The following ADHFE1 variants were observed in gnomAD, a reference collection of about 807,000 sequenced individuals.
ADHFE1 encodes the protein alcohol dehydrogenase iron containing 1, also known as hydroxyacid-oxoacid transhydrogenase, mitochondrial.
Under a neutral mutation model 54.8 loss-of-function variants are expected in ADHFE1, and 37 were observed. The observed-to-expected ratio is 0.68, with a 90% CI of 0.52 to 0.89. The LOEUF (loss-of-function observed/expected upper bound fraction) is 0.89. ADHFE1 is among the 40% of genes least tolerant of loss of function. ADHFE1 has a pLI of 0.00. For synonymous variants in ADHFE1, 203 were observed against 229.3 expected (o/e 0.89, Z 1.04); for missense variants, 601 against 591.2 (o/e 1.02, Z -0.17).
chr8:66,437,997 A>G (rs1805553633), intron 1 of ADHFE1, among the ~76,000 whole-genome samples: 1 of 152,178 alleles, frequency 6.6e-6, no homozygotes, highest in South Asian at 2.1e-4. Flanking sequence ...TCATTCAAGG[A>G]AAAGAAAGAT....
Position 66,439,549 on chromosome 8 carries a change from GC to G in ADHFE1, c.60-612del. The G allele has an allele frequency of 1.0e-6, 1 of 985,748 alleles. No individual in the cohort carries two copies. The highest frequency in any genetic ancestry group is 1.2e-6 in the Non-Finnish European group (1 of 830,160). The allele number at this position is 985,748 out of a possible 1,614,324, so 61.1% of individuals were successfully genotyped here. A position where few individuals can be genotyped will look rare whatever the true frequency, so the allele number is the denominator to read the frequency against. ...ACCTCGGAGCGCACCGGGTGTGCGC[GC>G]AGCTGGGGCCTCTGGGGAGCGGCGC... On this transcript the variant is annotated intron_variant, in intron 1 of 13. Transcript: ENST00000396623. The surrounding 1 kb of genome is among the most constrained non-coding windows in gnomAD (Gnocchi z 4.4).
chr8:66,453,795 G>A (rs577506161), intron 9 of ADHFE1: 53 of 1,429,064 alleles, frequency 3.7e-5, no homozygotes, highest in African/African-American at 3.4e-4. Flanking sequence ...AGGGACCAGC[G>A]CGTTGCCTCC....
intron 1 of ADHFE1, among the ~76,000 whole-genome samples, chr8:66,435,202 G>A (rs1805399595): frequency 6.6e-6 from 1 of 152,204 alleles, no homozygotes; most frequent in Non-Finnish European, 1.5e-5. Context: ...GGTGTTCAGA[G>A]CAGCCCTCAC....
chr8:66,442,333 CG>C (rs1805796581), intron 2 of ADHFE1, among the ~76,000 whole-genome samples: 1 of 128,778 alleles, frequency 7.8e-6, no homozygotes, highest in Non-Finnish European at 1.6e-5. Context: ...TTTTTTGAGA[CG>C]GGGTCTCACT....
chr8:66,440,436 T>A lies in ADHFE1; in HGVS notation c.97+237T>A, dbSNP rs1319709758. Reference sequence around the variant, plus strand: ...ATCTATTTAATGCTACTTACAACGCTTTTCTCTTTTAATTACTTGCCAAGT... The same window carrying A: ...ATCTATTTAATGCTACTTACAACGCATTTCTCTTTTAATTACTTGCCAAGT... On this transcript the variant is annotated intron_variant, in intron 2 of 13. Coordinates refer to ENST00000396623, the MANE Select transcript of ADHFE1 (RefSeq NM_144650.3). 3.3e-5 allele frequency among the ~76,000 whole-genome samples: 5 copies of A among 152,250 alleles called. No individual in the cohort carries two copies. The South Asian group carries it at 1.0e-3, about 32-fold the overall frequency.
chr8:66,436,858 G>A (rs537252642), intron 1 of ADHFE1, among the ~76,000 whole-genome samples: 15 of 152,204 alleles, frequency 9.9e-5, no homozygotes, highest in South Asian at 2.1e-4. Context: ...CAGCCAGTGC[G>A]ATGAGAAGAA....
intron 1 of ADHFE1, among the ~76,000 whole-genome samples, chr8:66,434,599 G>A (rs1261143277): frequency 6.6e-6 from 1 of 152,222 alleles, no homozygotes; most frequent in Non-Finnish European, 1.5e-5. Context: ...TTGGGCACAT[G>A]TTTCATCTGG....
chr8:66,434,978 CA>C (rs534816704), intron 1 of ADHFE1, among the ~76,000 whole-genome samples: 294 of 140,146 alleles, frequency 2.1e-3, no homozygotes, highest in Admixed American at 6.4e-3. Context: ...GACTGTGTCT[CA>C]AAAAAAAAAA....
intron 13 of ADHFE1, among the ~76,000 whole-genome samples, chr8:66,465,709 C>T (rs937764709): frequency 2.0e-4 from 31 of 152,022 alleles, no homozygotes; most frequent in African/African-American, 7.0e-4. Context: ...AAGCAGTTCT[C>T]CTGCCTTAGC....
At chr8:66,442,893 T>A (rs1805832734) in intron 3 of ADHFE1, 49 bp downstream of exon 3, 5 of 1,389,662 alleles carry the variant, frequency 3.6e-6, no homozygotes, top group Non-Finnish European at 4.9e-6. Context: ...TAGAAAAAAA[T>A]AAAACTAGAA....
In ADHFE1 at chr8:66,457,050, C is replaced by T. The variant is rs775381040; in HGVS notation, c.1066-20C>T. On this transcript the variant is annotated intron_variant, in intron 11 of 13. Coordinates refer to ENST00000396623, the MANE Select transcript of ADHFE1 (RefSeq NM_144650.3). ...AACAGCTTTGTCATCTGCCGGTCAC[C>T]GCATTTCGTTTCTCCCCAGCCCCAT... 38 of 1,607,220 alleles carry T rather than the reference C, an allele frequency of 2.4e-5. No homozygotes were observed. The Admixed American group carries it at 4.2e-4, about 18-fold the overall frequency.
At chr8:66,464,859 C>T (rs563704294) in intron 13 of ADHFE1, among the ~76,000 whole-genome samples, 58 of 152,256 alleles carry the variant, frequency 3.8e-4, no homozygotes, top group African/African-American at 1.2e-3. Flanking sequence ...CTGTTAAACA[C>T]GAATTCCCCG....
chr8:66,453,924 A>G (rs1204082584), intron 9 of ADHFE1, 135 bp from the exon 10 acceptor site: 2 of 1,524,334 alleles, frequency 1.3e-6, no homozygotes, highest in Admixed American at 2.2e-5. Context: ...CGTCGTTTGA[A>G]TAACTTGCCT....
In ADHFE1 at chr8:66,456,899, A is replaced by G. The variant is rs755546400; in HGVS notation, c.1065+4A>G. ...CAATGTGGATCACCCACTGGTGGTA[A>G]AATCATAAGAATAAATTATTTAATT... On this transcript the variant is annotated splice_donor_region_variant and intron_variant, in intron 11 of 13. Transcript: ENST00000396623. 6.6e-7 allele frequency: 1 copy of G among 1,514,984 alleles called. No homozygotes were observed. Among genetic ancestry groups the G allele is most frequent in the South Asian group, 1.4e-5 (1 of 73,974 alleles). The allele number at this position is 1,514,984 out of a possible 1,614,324, so 93.8% of individuals were successfully genotyped here.
intron 12 of ADHFE1, 61 bp from the exon 13 acceptor site, chr8:66,460,247 G>A: frequency 6.3e-7 from 1 of 1,596,624 alleles, no homozygotes; most frequent in South Asian, 1.1e-5. Context: ...TCTTGTGACT[G>A]AACTCCACCC....
Position 66,444,937 on chromosome 8 carries a change from C to T in ADHFE1, c.353+189C>T, listed in dbSNP as rs192941362. Among the ~76,000 whole-genome samples the T allele has an allele frequency of 2.6e-3, 394 of 152,094 alleles. 2 individuals are homozygous for T. The highest frequency in any genetic ancestry group is 8.7e-3 in the African/African-American group (360 of 41,508). Reference sequence around the variant, plus strand: ...CCAACATGGTGAAACACTGTCTCTACTAAAAATACAAAAATTAGCCAGTCA... The same window carrying T: ...CCAACATGGTGAAACACTGTCTCTATTAAAAATACAAAAATTAGCCAGTCA... On this transcript the variant is annotated intron_variant, in intron 5 of 13. Transcript: ENST00000396623.
rs191156203 is a variant in ADHFE1, at chr8:66,466,972, C to T, written c.1321-1297C>T. On this transcript the variant is annotated intron_variant, in intron 13 of 13. Coordinates refer to ENST00000396623, the MANE Select transcript of ADHFE1 (RefSeq NM_144650.3). Reference sequence around the variant, plus strand: ...GGCCATGGTTTTGTTGTAATTGCCACAGGCATTTATCTGCGAGCATTAAAC... The same window carrying T: ...GGCCATGGTTTTGTTGTAATTGCCATAGGCATTTATCTGCGAGCATTAAAC... Among the ~76,000 whole-genome samples the T allele has an allele frequency of 7.3e-4, 111 of 152,288 alleles. 1 individual carries two copies. The highest frequency in any genetic ancestry group is 1.2e-3 in the Admixed American group (19 of 15,294).
At chr8:66,450,170 C>T (rs1247393764) in intron 8 of ADHFE1, among the ~76,000 whole-genome samples, 1 of 152,188 alleles carries the variant, frequency 6.6e-6, no homozygotes, top group East Asian at 1.9e-4. Context: ...GTGTCTAACT[C>T]CATTCTGGTC....
intron 10 of ADHFE1, 96 bp from the exon 11 acceptor site, chr8:66,456,721 G>C (rs1806606375): frequency 1.1e-6 from 1 of 873,312 alleles, no homozygotes; most frequent in Non-Finnish European, 1.9e-6. Context: ...ATACTGTCTA[G>C]AGGCCGTGAC....
Sources: allele counts gnomAD v4.1 joint callset (sites outside exome capture counted in the v4.1 genomes callset), GRCh38; gene constraint gnomAD v4.1.1; non-coding constraint Gnocchi (gnomAD v3.1); transcripts MANE v1.5; gene names NCBI Gene and HGNC (gene_info 2026-07-23, HGNC 2026-07-21).